XPOT: variants seen among roughly 807,000 people sequenced by gnomAD.
The protein encoded by XPOT is exportin-T.
A neutral mutation model predicts 128.2 loss-of-function variants in XPOT; 34 were observed. That is an observed-to-expected ratio of 0.27 (90% CI 0.20 to 0.35). XPOT has a LOEUF of 0.35. Among genes scored for constraint, XPOT ranks in the 10% least tolerant of loss-of-function variants. The pLI is 1.00. For missense variants in XPOT, 838 were observed against 1,125.3 expected, an observed-to-expected ratio of 0.74 and a Z score of 3.65; for synonymous variants, 348 against 394.3, an observed-to-expected ratio of 0.88 and a Z score of 1.39.
chr12:64,406,843 C>CT (rs2136006951), intron 1 of XPOT, among the ~76,000 whole-genome samples: 1 of 152,216 alleles, frequency 6.6e-6, no homozygotes, highest in Non-Finnish European at 1.5e-5. Context: ...CAGTGCCTTT[C>CT]TTTGTGTTTT....
In XPOT at chr12:64,410,482, T is replaced by A. The variant is rs184717205; in HGVS notation, c.60+387T>A. On this transcript the variant is annotated intron_variant, in intron 2 of 24. Coordinates refer to ENST00000332707, the MANE Select transcript of XPOT (RefSeq NM_007235.6). The stretch of plus-strand genomic sequence containing the variant: ...GTTTTAACACTTACCTTAATGATTT[T>A]TTTTTTATTTTAATTTTTTTCTAGA... 8.0e-4 allele frequency among the ~76,000 whole-genome samples: 122 copies of A among 152,312 alleles called. 1 individual carries two copies. The highest frequency in any genetic ancestry group is 2.9e-3 in the African/African-American group (119 of 41,578).
At chr12:64,431,373 A>G (rs189443082) in intron 17 of XPOT, among the ~76,000 whole-genome samples, 165 bp from the exon 18 acceptor site, 1 of 152,390 alleles carries the variant, frequency 6.6e-6, no homozygotes, top group Admixed American at 6.5e-5. Context: ...AGTAGTTTAC[A>G]AATAGCCATA....
intron 17 of XPOT, among the ~76,000 whole-genome samples, chr12:64,430,511 C>T (rs2136028627): frequency 6.6e-6 from 1 of 152,166 alleles, no homozygotes; most frequent in East Asian, 1.9e-4. Flanking sequence ...ACTCCTCTGA[C>T]TTCTCTGATA....
rs1266682164 is a variant in XPOT, at chr12:64,404,495, C to CGGCGTT, written c.-383_-378dup. The CGGCGTT allele has an allele frequency of 6.3e-6, 1 of 158,200 alleles. No individual in the cohort carries two copies. Among genetic ancestry groups the CGGCGTT allele is most frequent in the African/African-American group, 2.4e-5 (1 of 41,418 alleles). The allele number at this position is 158,200 out of a possible 1,614,324, so 9.8% of individuals were successfully genotyped here. ...GCGGCGGCGGCTGCGGCGGCGGCGG[C>CGGCGTT]GGCGTTAGCCGGCCCTCGCGCTCTT... is the stretch of plus-strand genomic sequence containing the variant. On this transcript the variant is annotated 5_prime_UTR_variant, in exon 1 of 25. Transcript: ENST00000332707.
At position 64,424,359 on chromosome 12, in the gene XPOT, A is replaced by G. The variant is rs558741870; in HGVS notation, c.1183-240A>G. On this transcript the variant is annotated intron_variant, in intron 11 of 24. Transcript: ENST00000332707. Reference sequence around the variant, plus strand: ...TATTAAGCTTAATAAGTTTTTCTATATAAATAGTGACAAAAATAAAAGTAC... The same window carrying G: ...TATTAAGCTTAATAAGTTTTTCTATGTAAATAGTGACAAAAATAAAAGTAC... 9.2e-5 allele frequency among the ~76,000 whole-genome samples: 14 copies of G among 152,350 alleles called. No homozygotes were observed. In the South Asian group the frequency reaches 2.9e-3, roughly 32 times the overall value.
Position 64,419,016 on chromosome 12 carries a change from G to A in XPOT, c.411G>A (p.Arg137=), listed in dbSNP as rs2040113713. 4 of 1,614,000 alleles carry A rather than the reference G, an allele frequency of 2.5e-6. No homozygotes were observed. The highest frequency in any genetic ancestry group is 3.4e-6 in the Non-Finnish European group (4 of 1,180,040). ...TCTCAGTAGTGGACCTAAATCCAAG[G>A]GGAGTAGATCTCTACCTGCGAATCC... The part of the protein sequence containing the change: ...DILSVVDLNP[R]GVDLYLRILM... Residue 137 remains arginine, a synonymous_variant, in exon 6 of 25, where the codon AGG becomes AGA. Coordinates refer to ENST00000332707, the MANE Select transcript of XPOT (RefSeq NM_007235.6).
chr12:64,433,379 T>C (rs773160555), intron 18 of XPOT, 35 bp from the exon 19 acceptor site: 4 of 1,495,882 alleles, frequency 2.7e-6, no homozygotes, highest in South Asian at 2.7e-5. Flanking sequence ...TTAATATTGT[T>C]ACTAATTTCT....
At chr12:64,422,174 A>G (rs2040144592) in intron 9 of XPOT, among the ~76,000 whole-genome samples, 2 of 152,240 alleles carry the variant, frequency 1.3e-5, no homozygotes, top group African/African-American at 4.8e-5. Flanking sequence ...GTTAGTCTCC[A>G]TATTATAGCA....
At chr12:64,421,723 A>G (rs2040140904) in intron 9 of XPOT, among the ~76,000 whole-genome samples, 1 of 151,776 alleles carries the variant, frequency 6.6e-6, no homozygotes, top group African/African-American at 2.4e-5. Context: ...TTTATTTTGA[A>G]CCTGTCTTTA....
chr12:64,438,240 CAAAAA>C (rs907301523), intron 22 of XPOT, among the ~76,000 whole-genome samples: 20 of 151,964 alleles, frequency 1.3e-4, no homozygotes, highest in African/African-American at 4.8e-4. Context: ...CTTCAGAAAA[CAAAAA>C]AAAGTTTTGC....
intron 22 of XPOT, among the ~76,000 whole-genome samples, chr12:64,437,199 TTAGGGACAGCAGGGGAACTGTA>T (rs1162368839): frequency 2.0e-5 from 3 of 152,128 alleles, no homozygotes; most frequent in African/African-American, 7.2e-5. Flanking sequence ...AGGTGTGTGT[TTAGGGACAGCAGGGGAACTGTA>T]TAAAGGTAAA....
At chr12:64,433,071 C>T (rs960583507) in intron 18 of XPOT, among the ~76,000 whole-genome samples, 1 of 152,086 alleles carries the variant, frequency 6.6e-6, no homozygotes, top group African/African-American at 2.4e-5. Flanking sequence ...TCCTGAGTAG[C>T]TTGGACTGGG....
intron 1 of XPOT, among the ~76,000 whole-genome samples, chr12:64,407,850 G>T (rs1194433275): frequency 6.6e-6 from 1 of 152,152 alleles, no homozygotes; most frequent in Non-Finnish European, 1.5e-5. Flanking sequence ...AGTACGTTAT[G>T]AACCATAAGA....
At chr12:64,434,288 G>A (rs1266843625) in intron 19 of XPOT, among the ~76,000 whole-genome samples, 4 of 152,166 alleles carry the variant, frequency 2.6e-5, no homozygotes, top group African/African-American at 7.2e-5. Flanking sequence ...GAGCCACCGC[G>A]CCCAGCTGAT....
intron 23 of XPOT, among the ~76,000 whole-genome samples, chr12:64,441,415 A>G (rs1390435716): frequency 6.6e-6 from 1 of 152,142 alleles, no homozygotes; most frequent in Non-Finnish European, 1.5e-5. Context: ...GCTAGGATAT[A>G]TGTCTGTCTT....
At chr12:64,406,882 T>C (rs914562323) in intron 1 of XPOT, among the ~76,000 whole-genome samples, 1 of 152,188 alleles carries the variant, frequency 6.6e-6, no homozygotes, top group Non-Finnish European at 1.5e-5. Context: ...TGATCTGGTA[T>C]AAGAATGCCC....
rs923424050 is a variant in XPOT, at chr12:64,416,862, G to A, written c.200+108G>A. On this transcript the variant is annotated intron_variant, in intron 4 of 24. Transcript: ENST00000332707. ...CCATAATACAGGTTGTAAATTCACA[G>A]TGTATATGTTATATCCAGGTTATAG... is the stretch of plus-strand genomic sequence containing the variant. 1.0e-5 allele frequency: 10 copies of A among 996,350 alleles called. No individual in the cohort carries two copies. The African/African-American group carries it at 1.3e-4, about 13-fold the overall frequency. The allele number at this position is 996,350 out of a possible 1,614,324, so 61.7% of individuals were successfully genotyped here.
At chr12:64,431,311 C>T (rs1011031510) in intron 17 of XPOT, among the ~76,000 whole-genome samples, 1 of 152,142 alleles carries the variant, frequency 6.6e-6, no homozygotes, top group Admixed American at 6.5e-5. Context: ...AACTACATGT[C>T]ATTCATTTAA....
intron 8 of XPOT, 144 bp downstream of exon 8, chr12:64,420,665 C>A: frequency 3.2e-6 from 2 of 622,528 alleles, no homozygotes; most frequent in Non-Finnish European, 5.3e-6. Context: ...TGCATCTAGC[C>A]AAAATGTTCT....
Sources: gnomAD v4.1 joint callset for allele counts (sites outside exome capture counted in the v4.1 genomes callset) on GRCh38, gnomAD v4.1.1 for gene constraint, MANE v1.5 for transcripts, NCBI Gene and HGNC (gene_info 2026-07-23, HGNC 2026-07-21) for gene names.